Variants in MIS18A observed in about 807,000 individuals in gnomAD.
MIS18A encodes the protein protein Mis18-alpha.
MIS18A carries 14 observed loss-of-function variants against 25.0 expected under a neutral mutation model. The observed-to-expected ratio is 0.56, with a 90% CI of 0.37 to 0.88. The LOEUF is 0.88. Among genes scored for constraint, MIS18A ranks in the 40% least tolerant of loss-of-function variants. The pLI is 0.00. For synonymous variants in MIS18A, 134 were observed against 118.6 expected, an observed-to-expected ratio of 1.13 and a Z score of -0.84; for missense variants, 292 against 290.8, an observed-to-expected ratio of 1.00 and a Z score of -0.03.
At chr21:32,157,054 CT>C in the MIS18A span, among the ~76,000 whole-genome samples, 2,617 of 121,486 alleles carry the variant, frequency 0.022, 70 homozygotes, top group African/African-American at 0.071. Context: ...TTCTTTCTTT[CT>C]TTTTTTTTTT....
the MIS18A span, among the ~76,000 whole-genome samples, chr21:32,239,763 T>C: frequency 6.6e-6 from 1 of 152,216 alleles, no homozygotes; most frequent in Non-Finnish European, 1.5e-5. Context: ...GTATTTTCTG[T>C]TGCTGCTTTT....
the MIS18A span, among the ~76,000 whole-genome samples, chr21:32,231,989 A>G: frequency 6.6e-6 from 1 of 152,210 alleles, no homozygotes; most frequent in African/African-American, 2.4e-5. Context: ...TTCCCAAAGG[A>G]AATGAAATCA....
At chr21:32,197,343 ACCC>A in the MIS18A span, among the ~76,000 whole-genome samples, 22,798 of 152,062 alleles carry the variant, frequency 0.15, 1,800 homozygotes, top group East Asian at 0.24. Flanking sequence ...CCTATTTCCT[ACCC>A]ACCCACGTGG....
At chr21:32,255,854 G>A in the MIS18A span, among the ~76,000 whole-genome samples, 61 of 150,754 alleles carry the variant, frequency 4.0e-4, no homozygotes, top group Admixed American at 1.4e-3. Flanking sequence ...ACGTGCCACC[G>A]CACTCCAGCC....
the MIS18A span, among the ~76,000 whole-genome samples, chr21:32,169,872 AAAC>A: frequency 6.6e-6 from 1 of 152,142 alleles, no homozygotes; most frequent in Non-Finnish European, 1.5e-5. Flanking sequence ...CAACAATAAA[AAAC>A]AACAACAAAA....
chr21:32,236,385 C>T, the MIS18A span, among the ~76,000 whole-genome samples: 1 of 151,794 alleles, frequency 6.6e-6, no homozygotes, highest in Non-Finnish European at 1.5e-5. Flanking sequence ...TCCCTCTCAA[C>T]AACAACAAAA....
At chr21:32,229,169 C>G in the MIS18A span, among the ~76,000 whole-genome samples, 1 of 152,098 alleles carries the variant, frequency 6.6e-6, no homozygotes, top group African/African-American at 2.4e-5. Context: ...CCTGTGTTAA[C>G]TGGATATATG....
At chr21:32,201,198 TTGC>T in the MIS18A span, among the ~76,000 whole-genome samples, 1 of 151,984 alleles carries the variant, frequency 6.6e-6, no homozygotes, top group Non-Finnish European at 1.5e-5. Context: ...CATGAACTCA[TTGC>T]TGCTGGGAGG....
the MIS18A span, among the ~76,000 whole-genome samples, chr21:32,239,004 T>C: frequency 1.3e-5 from 2 of 152,324 alleles, no homozygotes; most frequent in East Asian, 3.9e-4. Flanking sequence ...CCACCTAACA[T>C]AACATTGTCT....
At chr21:32,190,593 T>C in the MIS18A span, among the ~76,000 whole-genome samples, 1 of 152,140 alleles carries the variant, frequency 6.6e-6, no homozygotes, top group Non-Finnish European at 1.5e-5. Flanking sequence ...AACCCACATA[T>C]GTTTAATTTT....
At chr21:32,166,100 G>A in the MIS18A span, among the ~76,000 whole-genome samples, 1 of 152,292 alleles carries the variant, frequency 6.6e-6, no homozygotes, top group South Asian at 2.1e-4. Flanking sequence ...GAGGGGCAGG[G>A]TGGACAACTA....
chr21:32,260,308 G>C, the MIS18A span: 1 of 152,274 alleles, frequency 6.6e-6, no homozygotes, highest in South Asian at 2.1e-4. Flanking sequence ...ATCTGACTGA[G>C]AAATCAGCAA....
At chr21:32,193,342 A>G in the MIS18A span, among the ~76,000 whole-genome samples, 1 of 152,328 alleles carries the variant, frequency 6.6e-6, no homozygotes, top group East Asian at 1.9e-4. Flanking sequence ...TTACAATCAG[A>G]TATGCACAGC....
At chr21:32,159,034 A>T in the MIS18A span, among the ~76,000 whole-genome samples, 1 of 152,048 alleles carries the variant, frequency 6.6e-6, no homozygotes, top group Non-Finnish European at 1.5e-5. Flanking sequence ...AACTTTTTTC[A>T]TCTTTTATTT....
the MIS18A span, among the ~76,000 whole-genome samples, chr21:32,215,807 T>C: frequency 6.6e-6 from 1 of 152,184 alleles, no homozygotes; most frequent in African/African-American, 2.4e-5. Flanking sequence ...TGACCTAGAG[T>C]ACCTGAACCA....
the MIS18A span, among the ~76,000 whole-genome samples, chr21:32,232,239 A>C: frequency 6.6e-6 from 1 of 152,048 alleles, no homozygotes; most frequent in African/African-American, 2.4e-5. Flanking sequence ...ATAGAGATCT[A>C]TAGATATATC....
At chr21:32,206,663 G>T in the MIS18A span, among the ~76,000 whole-genome samples, 1,919 of 152,236 alleles carry the variant, frequency 0.013, 107 homozygotes, top group Admixed American at 0.089. Context: ...ACGGGAGATG[G>T]GCAGAAGGAT....
the MIS18A span, among the ~76,000 whole-genome samples, chr21:32,225,278 T>C: frequency 8.7e-6 from 1 of 115,584 alleles, no homozygotes; most frequent in Non-Finnish European, 1.7e-5. Context: ...AATTGACAAA[T>C]GGGATCTAAT....
Position 32,270,395 on chromosome 21 carries a change from T to C in MIS18A, c.524+12A>G, listed in dbSNP as rs2031690965. 5.0e-6 allele frequency: 8 copies of C among 1,613,750 alleles called. No homozygotes were observed. The Middle Eastern group carries it at 4.9e-4, about 99-fold the overall frequency. ...ACCAGTTGTGAGGTAAACATTTATA[T>C]ATCAAACTTACCTTTCAATGGCTTC... On this transcript the variant is annotated intron_variant, in intron 3 of 4. Coordinates refer to ENST00000290130, the MANE Select transcript of MIS18A (RefSeq NM_018944.3).
Sources: gnomAD v4.1 joint callset for allele counts (sites outside exome capture counted in the v4.1 genomes callset) on GRCh38, gnomAD v4.1.1 for gene constraint, MANE v1.5 for transcripts, NCBI Gene and HGNC (gene_info 2026-07-23, HGNC 2026-07-21) for gene names.